The following GSG1 variants were observed in gnomAD, a reference collection of about 807,000 sequenced individuals.
GSG1 encodes the protein germ cell-specific gene 1 protein.
GSG1 carries 28 observed loss-of-function variants against 30.8 expected under a neutral mutation model. That is an observed-to-expected ratio of 0.91 (90% CI 0.67 to 1.25). The LOEUF is 1.25. GSG1 is among the 50% of genes most tolerant of loss of function. The pLI is 0.00. For synonymous variants in GSG1, 162 were observed against 178.0 expected (o/e 0.91, Z 0.71); for missense variants, 435 against 444.7 (o/e 0.98, Z 0.20).
Position 13,090,760 on chromosome 12 carries a change from A to C in GSG1, c.107T>G (p.Met36Arg). The change falls in exon 2 of 7, where the codon ATG becomes AGG. Residue 36 changes from methionine (M) to arginine (R), a missense_variant. Coordinates refer to ENST00000651961, the MANE Select transcript of GSG1 (RefSeq NM_001080555.4). ...TGTTGTGGAGAAGCTGAGTGATAGC[A>C]TGCTGAGGATGGCAGATAGGAGTGT... is the stretch of plus-strand genomic sequence containing the variant. Reference protein sequence around the residue: ...QRTLLSAILSMLSLSFSTTSL... With the variant: ...QRTLLSAILSRLSLSFSTTSL... 1 of 1,614,206 alleles carries C rather than the reference A, an allele frequency of 6.2e-7. No homozygotes were observed. The highest frequency in any genetic ancestry group is 1.3e-5 in the African/African-American group (1 of 75,058).
intron 6 of GSG1, among the ~76,000 whole-genome samples, chr12:13,085,997 A>G (rs1865484540): frequency 6.6e-6 from 1 of 152,328 alleles, no homozygotes; most frequent in Non-Finnish European, 1.5e-5. Flanking sequence ...GAAAACTTGG[A>G]AAGTCAAATC....
intron 1 of GSG1, chr12:13,095,479 A>G (rs1387333206): frequency 1.0e-6 from 1 of 995,526 alleles, no homozygotes; most frequent in Non-Finnish European, 1.6e-6. Flanking sequence ...AGAGTAACCC[A>G]GAATTAGCAT....
At chr12:13,095,512 G>A (rs1245584487) in intron 1 of GSG1, 10 of 1,228,380 alleles carry the variant, frequency 8.1e-6, no homozygotes, top group East Asian at 4.6e-5. Context: ...ACAACAGATC[G>A]ATGAGGCAGG....
chr12:13,095,663 G>T, intron 1 of GSG1: 1 of 1,613,886 alleles, frequency 6.2e-7, no homozygotes, highest in East Asian at 2.2e-5. Context: ...TGCACTCCAA[G>T]TCCCTTTGGT....
chr12:13,098,984 C>G (rs1397359926), intron 1 of GSG1, among the ~76,000 whole-genome samples: 1 of 152,154 alleles, frequency 6.6e-6, no homozygotes, highest in African/African-American at 2.4e-5. Flanking sequence ...ATTGTGTACT[C>G]TTTTTCTTAA....
intron 1 of GSG1, among the ~76,000 whole-genome samples, chr12:13,092,994 C>T (rs1485640389): frequency 6.6e-6 from 1 of 151,616 alleles, no homozygotes. Context: ...CGGGGTTTCA[C>T]CATATTGGCC....
chr12:13,094,286 G>A (rs1866448414), intron 1 of GSG1, among the ~76,000 whole-genome samples: 1 of 152,118 alleles, frequency 6.6e-6, no homozygotes, highest in African/African-American at 2.4e-5. Context: ...ATTATTTATG[G>A]CAATAAGAAA....
Position 13,085,368 on chromosome 12 carries a change from A to G in GSG1, c.747-125T>C, listed in dbSNP as rs192245211. The G allele has an allele frequency of 5.0e-5, 41 of 818,680 alleles. No homozygotes were observed. The African/African-American group carries it at 6.5e-4, about 13-fold the overall frequency. The allele number at this position is 818,680 out of a possible 1,614,324, so 50.7% of individuals were successfully genotyped here. A position where few individuals can be genotyped will look rare whatever the true frequency, so the allele number is the denominator to read the frequency against. On this transcript the variant is annotated intron_variant, in intron 6 of 6. Coordinates refer to ENST00000651961, the MANE Select transcript of GSG1 (RefSeq NM_001080555.4). ...TGTAGGGATTTAGGGACTTTCCACC[A>G]TGTTTCAGGTAAAGAACTGTGGGAA... is the stretch of plus-strand genomic sequence containing the variant.
chr12:13,103,249 G>C (rs1029481706), intron 1 of GSG1, among the ~76,000 whole-genome samples: 6 of 152,208 alleles, frequency 3.9e-5, no homozygotes, highest in Non-Finnish European at 7.3e-5. Context: ...AAAGGTAATA[G>C]GCCAAGGTAT....
intron 1 of GSG1, chr12:13,095,839 G>T: frequency 7.1e-7 from 1 of 1,412,410 alleles, no homozygotes; most frequent in Non-Finnish European, 9.4e-7. Context: ...TGTTCTGGGA[G>T]ATTACACCAG....
chr12:13,097,504 C>A (rs1006275802), intron 1 of GSG1, among the ~76,000 whole-genome samples: 1 of 152,138 alleles, frequency 6.6e-6, no homozygotes, highest in Non-Finnish European at 1.5e-5. Context: ...CCACTGCACC[C>A]GGCCTTCTCA....
chr12:13,087,236 A>G lies in GSG1; in HGVS notation c.662T>C (p.Met221Thr). ...AGTCGCTTGGAAGACTTGTGAATACATCATGTGGGCCACCATCCCCAGGAG... is the reference window on the plus strand; with the variant it reads ...AGTCGCTTGGAAGACTTGTGAATACGTCATGTGGGCCACCATCCCCAGGAG... The part of the protein sequence containing the change: ...SGLLGMVAHM[M>T]YSQVFQATVN... Residue 221 changes from methionine to threonine, a missense_variant, in exon 6 of 7, where the codon ATG (methionine) becomes ACG (threonine). Physicochemically the swap from Met to Thr is moderately conservative, Grantham distance 81. Transcript: ENST00000651961. 6 of 1,613,992 alleles carry G rather than the reference A, an allele frequency of 3.7e-6. No homozygotes were observed. Among genetic ancestry groups the G allele is most frequent in the Non-Finnish European group, 4.2e-6 (5 of 1,179,858 alleles).
rs767700047 is a variant in GSG1 at position 13,088,021 on chromosome 12, T to C, written c.520A>G (p.Ile174Val). Residue 174 changes from isoleucine (I) to valine (V), a missense_variant, in exon 5 of 7, where the codon ATC (isoleucine) becomes GTC (valine). Coordinates refer to ENST00000651961, the MANE Select transcript of GSG1 (RefSeq NM_001080555.4). ...AGGAAGCTGATGAATTGAAGTCCGA[T>C]GTAGGTGATCTGCGTTCCCAGGGAT... ...WLSLGTQITYIGLQFISFLLL... is the reference protein window; with the variant it reads ...WLSLGTQITYVGLQFISFLLL... 3.1e-6 allele frequency: 5 copies of C among 1,614,242 alleles called. No individual in the cohort carries two copies. The highest frequency in any genetic ancestry group is 3.4e-6 in the Non-Finnish European group (4 of 1,180,048).
intron 2 of GSG1, among the ~76,000 whole-genome samples, chr12:13,089,880 GTC>G (rs1865913785): frequency 6.6e-6 from 1 of 152,128 alleles, no homozygotes; most frequent in Non-Finnish European, 1.5e-5. Context: ...GAGAAACCCT[GTC>G]TCTCTAAAAA....
rs1865305588 is a variant in GSG1 at position 13,084,124 on chromosome 12, T to C, written c.*777A>G. 6.6e-6 allele frequency: 1 copy of C among 152,162 alleles called. No homozygotes were observed. The highest frequency in any genetic ancestry group is 2.4e-5 in the African/African-American group (1 of 41,434). The allele number at this position is 152,162 out of a possible 1,614,324, so 9.4% of individuals were successfully genotyped here. On this transcript the variant is annotated 3_prime_UTR_variant, in exon 7 of 7. Transcript: ENST00000651961. ...GGAATCAGATGGGTGGCATTCTTTATGAAGGAAATAATAGGGTACATTTCT... is the reference window on the plus strand; with the variant it reads ...GGAATCAGATGGGTGGCATTCTTTACGAAGGAAATAATAGGGTACATTTCT...
chr12:13,095,675 TAATGTTGCAAGAATGCA>T, intron 1 of GSG1: 1 of 1,613,264 alleles, frequency 6.2e-7, no homozygotes, highest in Non-Finnish European at 8.5e-7. Flanking sequence ...CCCTTTGGTT[TAATGTTGCAAGAATGCA>T]AACTGTCTTC....
At chr12:13,091,164 GA>G (rs929753300) in intron 1 of GSG1, among the ~76,000 whole-genome samples, 4 of 152,206 alleles carry the variant, frequency 2.6e-5, no homozygotes, top group Non-Finnish European at 5.9e-5. Flanking sequence ...GTGGGTTGTA[GA>G]AACCAGAGTC....
At chr12:13,092,693 A>C (rs1468305799) in intron 1 of GSG1, among the ~76,000 whole-genome samples, 1 of 152,220 alleles carries the variant, frequency 6.6e-6, no homozygotes, top group East Asian at 1.9e-4. Context: ...TATTTTACAC[A>C]TTAGACACTC....
chr12:13,086,793 C>A (rs1865565179), intron 6 of GSG1, among the ~76,000 whole-genome samples: 1 of 151,892 alleles, frequency 6.6e-6, no homozygotes, highest in Non-Finnish European at 1.5e-5. Flanking sequence ...TCTCTAATAC[C>A]TTGAATCATA....
Sources: gnomAD v4.1 joint callset for allele counts (sites outside exome capture counted in the v4.1 genomes callset) on GRCh38, gnomAD v4.1.1 for gene constraint, MANE v1.5 for transcripts, NCBI Gene and HGNC (gene_info 2026-07-23, HGNC 2026-07-21) for gene names.